The following DGKB variants were observed in gnomAD, a reference collection of about 807,000 sequenced individuals.
The protein encoded by DGKB is diacylglycerol kinase beta.
Under a neutral mutation model 114.3 loss-of-function variants are expected in DGKB, and 67 were observed. The ratio of observed to expected loss-of-function variants is 0.59; its 90% confidence interval spans 0.48 to 0.72. DGKB has a LOEUF of 0.72. Among genes scored for constraint, DGKB ranks in the 30% least tolerant of loss-of-function variants. The probability of loss-of-function intolerance (pLI) is 0.00; values close to 1 mark genes in which losing one functional copy is unlikely to be tolerated. For missense variants in DGKB, 907 were observed against 975.2 expected (o/e 0.93, Z 0.93); for synonymous variants, 398 against 323.1 (o/e 1.23, Z -2.49).
chr7:14,552,836 T>C (rs1039287379), intron 20 of DGKB, among the ~76,000 whole-genome samples: 1 of 152,212 alleles, frequency 6.6e-6, no homozygotes, highest in Non-Finnish European at 1.5e-5. Context: ...TAACCAGAAA[T>C]TGATCCTGTA....
chr7:14,887,420 A>C (rs1780474980), intron 1 of DGKB, among the ~76,000 whole-genome samples: 1 of 151,670 alleles, frequency 6.6e-6, no homozygotes, highest in African/African-American at 2.4e-5. Flanking sequence ...CTCTATTGCA[A>C]AAAAATTGGT....
At chr7:14,176,628 C>G in intron 25 of DGKB, 1 of 1,293,760 alleles carries the variant, frequency 7.7e-7, no homozygotes, top group Non-Finnish European at 9.8e-7. Context: ...TAGGCTAACA[C>G]AAACATTCAA....
At chr7:14,707,167 C>T (rs1200068202) in intron 6 of DGKB, among the ~76,000 whole-genome samples, 3 of 131,710 alleles carry the variant, frequency 2.3e-5, no homozygotes, top group African/African-American at 8.8e-5. Context: ...TACAAACTAC[C>T]ATCAGAGAAT....
chr7:14,695,063 G>C (rs2128997102), intron 8 of DGKB, among the ~76,000 whole-genome samples: 1 of 152,210 alleles, frequency 6.6e-6, no homozygotes, highest in South Asian at 2.1e-4. Context: ...GAGAAATGCA[G>C]AGAGCATTGG....
At chr7:14,886,986 G>A (rs79184606) in intron 1 of DGKB, among the ~76,000 whole-genome samples, 2,802 of 151,806 alleles carry the variant, frequency 0.018, 86 homozygotes, top group Admixed American at 0.081. Flanking sequence ...TTATTATCTC[G>A]TTAATACGGA....
chr7:14,845,564 G>A (rs965904407), intron 1 of DGKB, among the ~76,000 whole-genome samples: 1 of 152,126 alleles, frequency 6.6e-6, no homozygotes, highest in Non-Finnish European at 1.5e-5. Flanking sequence ...TGGAGGGCAG[G>A]AATTTTTGTT....
intron 20 of DGKB, among the ~76,000 whole-genome samples, chr7:14,543,799 T>C (rs929882106): frequency 2.0e-5 from 3 of 152,224 alleles, no homozygotes; most frequent in African/African-American, 4.8e-5. Flanking sequence ...TGATTGGTTA[T>C]AATTCTTACA....
intron 6 of DGKB, among the ~76,000 whole-genome samples, chr7:14,716,998 CAAAG>C (rs1174057026): frequency 6.6e-6 from 1 of 150,602 alleles, no homozygotes; most frequent in African/African-American, 2.4e-5. Context: ...CTGGGAAACT[CAAAG>C]AAAAAAACAG....
At chr7:14,406,988 G>A (rs1336050724) in intron 21 of DGKB, among the ~76,000 whole-genome samples, 1 of 152,102 alleles carries the variant, frequency 6.6e-6, no homozygotes, top group Non-Finnish European at 1.5e-5. Flanking sequence ...TTTAGTCCAA[G>A]AAGATGCTTA....
intron 25 of DGKB, among the ~76,000 whole-genome samples, chr7:14,161,821 G>GA (rs1435726836): frequency 1.3e-5 from 2 of 149,804 alleles, no homozygotes; most frequent in South Asian, 2.1e-4. Context: ...ATAATTAAAA[G>GA]AAAAAAAAAG....
intron 20 of DGKB, among the ~76,000 whole-genome samples, chr7:14,518,777 G>T (rs549540074): frequency 6.6e-6 from 1 of 152,122 alleles, no homozygotes; most frequent in Non-Finnish European, 1.5e-5. Context: ...AGAACAGAGA[G>T]AATTCTATTA....
intron 5 of DGKB, chr7:14,718,985 C>A (rs1428171088): frequency 3.3e-5 from 7 of 210,644 alleles, no homozygotes; most frequent in Non-Finnish European, 6.5e-5. Flanking sequence ...TGAAGACCCA[C>A]TTCCCTATTC....
At chr7:14,487,971 G>A (rs1784074336) in intron 20 of DGKB, among the ~76,000 whole-genome samples, 1 of 152,036 alleles carries the variant, frequency 6.6e-6, no homozygotes, top group Non-Finnish European at 1.5e-5. Flanking sequence ...CTCATCTGCT[G>A]TAAATAAAAA....
chr7:14,843,971 T>C (rs969336573), intron 1 of DGKB, among the ~76,000 whole-genome samples: 3 of 152,154 alleles, frequency 2.0e-5, no homozygotes, highest in Non-Finnish European at 2.9e-5. Flanking sequence ...TTTTGACAAA[T>C]AGAGAAAGTG....
At chr7:14,192,733 A>G (rs1182005867) in intron 23 of DGKB, among the ~76,000 whole-genome samples, 3 of 152,070 alleles carry the variant, frequency 2.0e-5, no homozygotes, top group Non-Finnish European at 4.4e-5. Context: ...TTAGCACTTT[A>G]TTTATATTAT....
chr7:14,504,420 C>T lies in DGKB; in HGVS notation c.1771-26195G>A, dbSNP rs182665897. Among the ~76,000 whole-genome samples the T allele has an allele frequency of 5.0e-3, 755 of 152,172 alleles. 4 individuals are homozygous for T. Among genetic ancestry groups the T allele is most frequent in the African/African-American group, 0.013 (526 of 41,528 alleles). On this transcript the variant is annotated intron_variant, in intron 20 of 25. Coordinates refer to ENST00000402815, the MANE Select transcript of DGKB (RefSeq NM_001350709.2). ...GATATCCATTGACTAGCTTCTTATC[C>T]GGACTCATTAAAGTTTAGTATTGAC... is the stretch of plus-strand genomic sequence containing the variant.
chr7:14,949,968 G>A (rs574257735), intron 1 of DGKB, among the ~76,000 whole-genome samples: 1 of 151,788 alleles, frequency 6.6e-6, no homozygotes, highest in South Asian at 2.1e-4. Context: ...GGGGGGAGTG[G>A]GGAGGGATAG....
chr7:14,272,648 G>A (rs886087259), intron 23 of DGKB, among the ~76,000 whole-genome samples: 2 of 152,076 alleles, frequency 1.3e-5, no homozygotes, highest in Non-Finnish European at 2.9e-5. Context: ...TAAAGCAGAT[G>A]TCCTACATGA....
chr7:14,441,943 T>A (rs1468225959), intron 21 of DGKB, among the ~76,000 whole-genome samples: 1 of 152,016 alleles, frequency 6.6e-6, no homozygotes, highest in African/African-American at 2.4e-5. Context: ...TATACATACA[T>A]ATCAGGATAT....
Sources: gnomAD v4.1 joint callset for allele counts (sites outside exome capture counted in the v4.1 genomes callset) on GRCh38, gnomAD v4.1.1 for gene constraint, MANE v1.5 for transcripts, NCBI Gene and HGNC (gene_info 2026-07-23, HGNC 2026-07-21) for gene names.